Variants in RBFOX1 observed in about 807,000 individuals in gnomAD.
The protein encoded by RBFOX1 is RNA binding fox-1 homolog 1.
Under a neutral mutation model 57.7 loss-of-function variants are expected in RBFOX1, and 8 were observed. The ratio of observed to expected loss-of-function variants is 0.14; its 90% CI spans 0.08 to 0.25. The LOEUF (loss-of-function observed/expected upper bound fraction) is 0.25. Among genes scored for constraint, RBFOX1 ranks in the 10% least tolerant of loss-of-function variants. The probability of loss-of-function intolerance (pLI) is 1.00; values close to 1 mark genes in which losing one functional copy is unlikely to be tolerated. For synonymous variants in RBFOX1, 326 were observed against 222.4 expected, an observed-to-expected ratio of 1.47 and a Z score of -4.15; for missense variants, 611 against 548.5, an observed-to-expected ratio of 1.11 and a Z score of -1.14.
At chr16:6,904,775 G>T (rs552334863) in intron 3 of RBFOX1, among the ~76,000 whole-genome samples, 1 of 151,964 alleles carries the variant, frequency 6.6e-6, no homozygotes, top group African/African-American at 2.4e-5. Context: ...TCACCTGCCC[G>T]GGCTACTTGT....
chr16:6,786,469 TAAC>T (rs1391337002), intron 3 of RBFOX1, among the ~76,000 whole-genome samples: 1 of 151,934 alleles, frequency 6.6e-6, no homozygotes, highest in African/African-American at 2.4e-5. Flanking sequence ...AGCAGAAAAA[TAAC>T]AACAAAGAGC....
At chr16:7,378,945 C>G (rs1305183319) in intron 4 of RBFOX1, among the ~76,000 whole-genome samples, 2 of 152,182 alleles carry the variant, frequency 1.3e-5, no homozygotes, top group Admixed American at 6.5e-5. Flanking sequence ...AGCACACAGA[C>G]CTTGAAGGAA....
chr16:5,368,114 T>C (rs2065770570), intron 1 of RBFOX1, among the ~76,000 whole-genome samples: 1 of 152,226 alleles, frequency 6.6e-6, no homozygotes, highest in Admixed American at 6.5e-5. Flanking sequence ...CATAAATGTA[T>C]GATGAATGGT....
intron 3 of RBFOX1, among the ~76,000 whole-genome samples, chr16:7,047,660 T>A (rs991845805): frequency 2.0e-5 from 3 of 150,590 alleles, no homozygotes; most frequent in African/African-American, 7.3e-5. Context: ...TATTCTAGAA[T>A]TTCAGTAACA....
chr16:5,837,917 C>T (rs1455781669), intron 3 of RBFOX1, among the ~76,000 whole-genome samples: 2 of 152,066 alleles, frequency 1.3e-5, no homozygotes, highest in Non-Finnish European at 2.9e-5. Context: ...AGGTTGGGCG[C>T]TTGGAGAAGA....
intron 3 of RBFOX1, among the ~76,000 whole-genome samples, chr16:5,785,830 A>G (rs2054482630): frequency 6.6e-6 from 1 of 152,070 alleles, no homozygotes; most frequent in African/African-American, 2.4e-5. Flanking sequence ...CCCGGCCAAG[A>G]TGTCTGCAAC....
At chr16:5,336,189 C>G (rs773906872) in intron 1 of RBFOX1, among the ~76,000 whole-genome samples, 19 of 152,032 alleles carry the variant, frequency 1.2e-4, no homozygotes, top group Non-Finnish European at 7.4e-5. Flanking sequence ...GACCAGTGGA[C>G]AGAAAGCCAG....
intron 3 of RBFOX1, among the ~76,000 whole-genome samples, chr16:6,912,101 A>G (rs1335036893): frequency 7.2e-5 from 11 of 152,198 alleles, no homozygotes; most frequent in Admixed American, 2.0e-4. Flanking sequence ...TTTTAGCTCT[A>G]TCATTTATAC....
intron 2 of RBFOX1, among the ~76,000 whole-genome samples, chr16:6,493,995 G>A (rs994215195): frequency 6.6e-6 from 1 of 152,134 alleles, no homozygotes; most frequent in Non-Finnish European, 1.5e-5. Flanking sequence ...GAGAAGGTTG[G>A]CGATCATTCC....
rs1568078838 is a variant in RBFOX1 at position 6,657,022 on chromosome 16, CCTCTCCTGTCCTCCCCTTT to C, written c.-16+2374_-16+2392del. ...CCTTTCCTCTCCTCTCCTCCCCTTT[CCTCTCCTGTCCTCCCCTTT>C]CCTCTCCTCTCCTCCCCTTTCCTCT... On this transcript the variant is annotated intron_variant, in intron 3 of 15. Coordinates refer to ENST00000550418, the MANE Select transcript of RBFOX1 (RefSeq NM_018723.4). Among the ~76,000 whole-genome samples, 3 of 111,578 alleles carry C rather than the reference CCTCTCCTGTCCTCCCCTTT, an allele frequency of 2.7e-5. 1 individual carries two copies. Among genetic ancestry groups the C allele is most frequent in the African/African-American group, 1.1e-4 (3 of 26,706 alleles). 73.2% of individuals were successfully genotyped at this position (111,578 alleles called of 152,430 possible).
chr16:6,739,748 G>C (rs1026017910), intron 3 of RBFOX1, among the ~76,000 whole-genome samples: 5 of 152,114 alleles, frequency 3.3e-5, no homozygotes, highest in Non-Finnish European at 7.4e-5. Context: ...GTGGTGGCAG[G>C]TGCCTGTAGT....
At chr16:7,177,529 C>T (rs977397822) in intron 4 of RBFOX1, among the ~76,000 whole-genome samples, 7 of 151,790 alleles carry the variant, frequency 4.6e-5, no homozygotes, top group African/African-American at 1.7e-4. Context: ...ATCAGGGATG[C>T]TTTATATGGT....
intron 1 of RBFOX1, among the ~76,000 whole-genome samples, chr16:6,235,554 ATGTATGTG>A (rs1333371898): frequency 1.5e-4 from 12 of 78,296 alleles, no homozygotes; most frequent in South Asian, 6.8e-4. Context: ...GTGTGCGTGT[ATGTATGTG>A]TGTGTGTGTG....
At chr16:5,825,218 G>C (rs1334009348) in intron 3 of RBFOX1, among the ~76,000 whole-genome samples, 1 of 152,232 alleles carries the variant, frequency 6.6e-6, no homozygotes, top group Admixed American at 6.5e-5. Flanking sequence ...AACTTCTTCA[G>C]AATGCAATAT....
chr16:5,297,800 G>A (rs998317050), intron 1 of RBFOX1, among the ~76,000 whole-genome samples: 1 of 152,060 alleles, frequency 6.6e-6, no homozygotes, highest in Admixed American at 6.5e-5. Flanking sequence ...GATTTTGGGC[G>A]CTACACCGAC....
chr16:7,065,551 C>T (rs1182404259), intron 4 of RBFOX1, among the ~76,000 whole-genome samples: 1 of 152,160 alleles, frequency 6.6e-6, no homozygotes. Flanking sequence ...AATGGTATAT[C>T]CTTATTGTAT....
intron 4 of RBFOX1, among the ~76,000 whole-genome samples, chr16:7,459,857 T>C (rs984480088): frequency 6.6e-6 from 1 of 152,216 alleles, no homozygotes; most frequent in East Asian, 1.9e-4. Flanking sequence ...TTACTACTTT[T>C]ACCCTACCCA....
chr16:7,518,354 G>C lies in RBFOX1; in HGVS notation c.235G>C (p.Asp79His), dbSNP rs764702003. 1 of 1,613,348 alleles carries C rather than the reference G, an allele frequency of 6.2e-7. No homozygotes were observed. The highest frequency in any genetic ancestry group is 8.5e-7 in the Non-Finnish European group (1 of 1,179,582). ...GACGCACTCCGAGCAGAGCCCGGCG[G>C]ACACGAGCGCTCAGACCGTCTCTGG... is the stretch of plus-strand genomic sequence containing the variant. ...AQTHSEQSPA[D>H]TSAQTVSGTA... The change falls in exon 5 of 16, where the codon GAC (aspartate) becomes CAC (histidine). Residue 79 changes from aspartate (D) to histidine (H), a missense_variant. Asp to His is a moderately conservative substitution (Grantham distance 81, BLOSUM62 -1). Around this residue, in one of 3 missense-constraint regions of RBFOX1, gnomAD observed 245 missense variants for 159.1 expected, o/e 1.54. Transcript: ENST00000550418.
rs150167903 is a variant in RBFOX1, at chr16:7,503,487, C to T, written c.28-14660C>T. Among the ~76,000 whole-genome samples the T allele has an allele frequency of 5.6e-3, 860 of 152,288 alleles. 5 individuals are homozygous for T. Among genetic ancestry groups the T allele is most frequent in the Non-Finnish European group, 6.6e-3 (451 of 68,020 alleles). ...ACTGCAAGTCAGGTATTTAAGGGGA[C>T]AGAATCCATCCTTCTCCCCTTGTGG... On this transcript the variant is annotated intron_variant, in intron 4 of 15. Transcript: ENST00000550418.
Sources: allele counts gnomAD v4.1 joint callset (sites outside exome capture counted in the v4.1 genomes callset), GRCh38; gene constraint gnomAD v4.1.1; regional missense constraint gnomAD v4.1.1; transcripts MANE v1.5; gene names NCBI Gene and HGNC (gene_info 2026-07-23, HGNC 2026-07-21).